HMGCS1: variants seen among roughly 807,000 people sequenced by gnomAD.
HMGCS1 encodes 3-hydroxy-3-methylglutaryl-CoA synthase 1.
HMGCS1 carries 9 observed loss-of-function variants against 52.3 expected under a neutral mutation model. The observed-to-expected ratio is 0.17, with a 90% confidence interval of 0.10 to 0.30. The LOEUF (loss-of-function observed/expected upper bound fraction) is 0.30, where lower values mean the gene tolerates loss of function less well. Ranked by LOEUF, HMGCS1 falls within the 10% of genes least tolerant of loss-of-function variation. The pLI is 1.00. For missense variants in HMGCS1, 320 were observed against 620.9 expected (o/e 0.52, Z 5.15); for synonymous variants, 176 against 214.4 (o/e 0.82, Z 1.57).
chr5:43,304,671 G>GAAAAC lies in HMGCS1; in HGVS notation c.-11+3090_-11+3094dup, dbSNP rs1241621516. ...ATTAAATACATGACATGTTTCATTT[G>GAAAAC]AAAACAAACAAAAAACGTAGGTTAA... On this transcript the variant is annotated intron_variant, in intron 2 of 10. Transcript: ENST00000325110. Among the ~76,000 whole-genome samples, 4 of 152,120 alleles carry GAAAAC rather than the reference G, an allele frequency of 2.6e-5. No individual in the cohort carries two copies. In the East Asian group the frequency reaches 7.7e-4, roughly 29 times the overall value.
At chr5:43,292,163 T>C (rs2111628195) in intron 10 of HMGCS1, among the ~76,000 whole-genome samples, 1 of 152,092 alleles carries the variant, frequency 6.6e-6, no homozygotes, top group South Asian at 2.1e-4. Flanking sequence ...CAACTAATTT[T>C]TGTATTTTTA....
intron 5 of HMGCS1, among the ~76,000 whole-genome samples, chr5:43,296,314 G>A (rs1754030322): frequency 6.6e-6 from 1 of 152,070 alleles, no homozygotes; most frequent in Non-Finnish European, 1.5e-5. Context: ...AATGTAACAT[G>A]TACTTCTTAC....
chr5:43,294,618 A>G lies in HMGCS1; in HGVS notation c.1076+73T>C, dbSNP rs565898602. 2.3e-4 allele frequency: 255 copies of G among 1,128,282 alleles called. 1 individual carries two copies. In the African/African-American group the frequency reaches 3.6e-3, roughly 16 times the overall value. The allele number at this position is 1,128,282 out of a possible 1,614,324, so 69.9% of individuals were successfully genotyped here. The stretch of plus-strand genomic sequence containing the variant: ...GTGATCTACCACCAACATGCTTGAC[A>G]CTAGATTTGGTCTTAGAAATCTAAC... On this transcript the variant is annotated intron_variant, in intron 7 of 10. Transcript: ENST00000325110.
chr5:43,308,054 G>A (rs1272512909), intron 1 of HMGCS1, among the ~76,000 whole-genome samples: 2 of 151,996 alleles, frequency 1.3e-5, no homozygotes, highest in African/African-American at 4.8e-5. Context: ...GGTAATAAAC[G>A]GATATAAGAA....
intron 2 of HMGCS1, among the ~76,000 whole-genome samples, chr5:43,306,805 G>A (rs1027950885): frequency 1.3e-5 from 2 of 152,184 alleles, no homozygotes; most frequent in Non-Finnish European, 2.9e-5. Flanking sequence ...CTTTTGGAGA[G>A]CAGGAACCGT....
intron 1 of HMGCS1, among the ~76,000 whole-genome samples, chr5:43,310,819 G>A (rs1270677130): frequency 2.6e-5 from 4 of 152,058 alleles, no homozygotes; most frequent in African/African-American, 9.7e-5. Context: ...AGATTCCAAG[G>A]TGAAAAATGT....
At position 43,293,722 on chromosome 5, in the gene HMGCS1, T is replaced by TC. The variant is rs201534590; in HGVS notation, c.1183+333_1183+334insG. On this transcript the variant is annotated intron_variant, in intron 8 of 10. Transcript: ENST00000325110. Reference sequence around the variant, plus strand: ...CAGAGTAGTTCTCAATACATTTTTTTTTTTTTTTTTTGACAGAGTCTCGCT... The same window carrying TC: ...CAGAGTAGTTCTCAATACATTTTTTTCTTTTTTTTTTTGACAGAGTCTCGCT... 2.2e-3 allele frequency: 384 copies of TC among 173,350 alleles called. 10 individuals are homozygous for TC. In the East Asian group the frequency reaches 0.055, roughly 25 times the overall value. The allele number at this position is 173,350 out of a possible 1,614,324, so 10.7% of individuals were successfully genotyped here. A position where few individuals can be genotyped will look rare whatever the true frequency, so the allele number is the denominator to read the frequency against.
intron 8 of HMGCS1, among the ~76,000 whole-genome samples, chr5:43,293,509 C>CTA (rs1353354650): frequency 1.3e-5 from 2 of 151,686 alleles, no homozygotes; most frequent in Non-Finnish European, 2.9e-5. Flanking sequence ...GACCATAAGC[C>CTA]TATAAAAATT....
rs1016036199 is a variant in HMGCS1 at position 43,288,266 on chromosome 5, A to C, written c.*2865T>G. ...AACATAGTTTGGGGAGATGAAAACA[A>C]AAATCACAGATCAACTATTTTCTCC... On this transcript the variant is annotated 3_prime_UTR_variant, in exon 11 of 11. Transcript: ENST00000325110. 9.8e-5 allele frequency: 15 copies of C among 152,366 alleles called. No homozygotes were observed. The highest frequency in any genetic ancestry group is 3.6e-4 in the African/African-American group (15 of 41,590). 9.4% of individuals were successfully genotyped at this position (152,366 alleles called of 1,614,324 possible).
In HMGCS1 at chr5:43,298,273, A is replaced by T. The variant is rs554586244; in HGVS notation, c.449-139T>A. ...AAAGAAAATGCTCTAATTTTTTTTT[A>T]AAATTCATCTGCCAAGGCTCTGTCA... On this transcript the variant is annotated intron_variant, in intron 3 of 10. Coordinates refer to ENST00000325110, the MANE Select transcript of HMGCS1 (RefSeq NM_001098272.3). This position sits in a 1 kb window ranked among gnomAD's most constrained non-coding sequence, Gnocchi z 5.6. 40 of 796,464 alleles carry T rather than the reference A, an allele frequency of 5.0e-5. No homozygotes were observed. The highest frequency in any genetic ancestry group is 1.1e-4 in the East Asian group (4 of 36,578). 49.3% of individuals were successfully genotyped at this position (796,464 alleles called of 1,614,324 possible).
At chr5:43,294,432 T>C in intron 7 of HMGCS1, 1 of 515,930 alleles carries the variant, frequency 1.9e-6, no homozygotes, top group South Asian at 2.8e-5. Context: ...CAGGTATTTA[T>C]GGTTCAACTG....
chr5:43,294,887 C>T, intron 6 of HMGCS1, 26 bp from the exon 7 acceptor site: 1 of 1,526,230 alleles, frequency 6.6e-7, no homozygotes, highest in Admixed American at 1.7e-5. Context: ...TACAGTTTTA[C>T]AGTGTTTAAA....
chr5:43,293,137 C>T (rs987084578), intron 8 of HMGCS1, among the ~76,000 whole-genome samples, 164 bp from the exon 9 acceptor site: 6 of 152,202 alleles, frequency 3.9e-5, no homozygotes, highest in Admixed American at 1.3e-4. Flanking sequence ...TTTGACAAAT[C>T]TCCTATGATG....
intron 2 of HMGCS1, among the ~76,000 whole-genome samples, chr5:43,299,594 G>A (rs1579650189): frequency 6.6e-6 from 1 of 151,572 alleles, no homozygotes; most frequent in Non-Finnish European, 1.5e-5. Flanking sequence ...AGCTTGCAGT[G>A]AGCAGAGATC....
chr5:43,302,121 T>G (rs563903254), intron 2 of HMGCS1, among the ~76,000 whole-genome samples: 1 of 152,330 alleles, frequency 6.6e-6, no homozygotes, highest in South Asian at 2.1e-4. Flanking sequence ...CATACATTTT[T>G]CCAGTTTGGT....
At chr5:43,304,725 A>G (rs1259643544) in intron 2 of HMGCS1, among the ~76,000 whole-genome samples, 1 of 152,230 alleles carries the variant, frequency 6.6e-6, no homozygotes, top group African/African-American at 2.4e-5. Context: ...ATCAAATGGA[A>G]AGTGAAACAC....
In HMGCS1 at chr5:43,295,350, C is replaced by T. The variant is rs1753979297; in HGVS notation, c.905+402G>A. ...TGAACACACATAGCATGCTAGGGAG[C>T]CTAAAGTGAGAAAAAGACAGGTGGA... On this transcript the variant is annotated intron_variant, in intron 6 of 10. Transcript: ENST00000325110. Among the ~76,000 whole-genome samples, 4 of 151,846 alleles carry T rather than the reference C, an allele frequency of 2.6e-5. No homozygotes were observed. The South Asian group carries it at 8.3e-4, about 32-fold the overall frequency.
At chr5:43,295,305 C>A (rs190029339) in intron 6 of HMGCS1, among the ~76,000 whole-genome samples, 3 of 152,066 alleles carry the variant, frequency 2.0e-5, no homozygotes, top group Non-Finnish European at 4.4e-5. Flanking sequence ...ACAAGAGACA[C>A]AGGGAGAAAC....
At chr5:43,295,509 A>G (rs1753987455) in intron 6 of HMGCS1, among the ~76,000 whole-genome samples, 1 of 152,190 alleles carries the variant, frequency 6.6e-6, no homozygotes, top group African/African-American at 2.4e-5. Flanking sequence ...TTATCGTGAC[A>G]ACATGAATGG....
Sources: allele counts gnomAD v4.1 joint callset (sites outside exome capture counted in the v4.1 genomes callset), GRCh38; gene constraint gnomAD v4.1.1; non-coding constraint Gnocchi (gnomAD v3.1); transcripts MANE v1.5; gene names NCBI Gene and HGNC (gene_info 2026-07-23, HGNC 2026-07-21).